MGAT4C: variants seen among roughly 807,000 people sequenced by gnomAD.
The protein encoded by MGAT4C is MGAT4 family member C, also known as alpha-1,3-mannosyl-glycoprotein 4-beta-N-acetylglucosaminyltransferase C.
Under a neutral mutation model 40.1 loss-of-function variants are expected in MGAT4C, and 19 were observed. The ratio of observed to expected loss-of-function variants is 0.47; its 90% confidence interval spans 0.33 to 0.70. MGAT4C has a LOEUF of 0.70. Among genes scored for constraint, MGAT4C ranks in the 30% least tolerant of loss-of-function variants. The pLI is 0.02. For synonymous variants in MGAT4C, 181 were observed against 187.1 expected (o/e 0.97, Z 0.27); for missense variants, 491 against 563.2 (o/e 0.87, Z 1.30).
In MGAT4C at chr12:86,769,531, T is replaced by C. The variant is rs192594664; in HGVS notation, c.-261-42290A>G. Among the ~76,000 whole-genome samples, 1,437 of 152,248 alleles carry C rather than the reference T, an allele frequency of 9.4e-3. 16 individuals carry two copies. The highest frequency in any genetic ancestry group is 0.033 in the African/African-American group (1,372 of 41,542). On this transcript the variant is annotated intron_variant, in intron 1 of 7. Transcript: ENST00000548651. ...CGTTATTGGGTATATACCCAAAGGA[T>C]TATAAATCATGCTGCTATAAAGACA...
At chr12:86,111,276 T>C (rs934242147) in intron 1 of MGAT4C, among the ~76,000 whole-genome samples, 2 of 151,778 alleles carry the variant, frequency 1.3e-5, no homozygotes, top group African/African-American at 4.8e-5. Flanking sequence ...ATTTGTGTAG[T>C]GTCTATCAAG....
intron 3 of MGAT4C, among the ~76,000 whole-genome samples, chr12:86,337,472 A>G (rs1954813842): frequency 6.6e-6 from 1 of 151,580 alleles, no homozygotes; most frequent in African/African-American, 2.4e-5. Context: ...AGTCCCAGCT[A>G]CTTGAGAGGC....
intron 4 of MGAT4C, among the ~76,000 whole-genome samples, chr12:86,286,966 A>T (rs1011843943): frequency 6.6e-6 from 1 of 152,038 alleles, no homozygotes; most frequent in Non-Finnish European, 1.5e-5. Context: ...TAAGTAATAT[A>T]TTTGCTTTAT....
intron 1 of MGAT4C, among the ~76,000 whole-genome samples, chr12:86,062,580 C>A (rs962438251): frequency 2.0e-5 from 3 of 151,864 alleles, no homozygotes; most frequent in African/African-American, 7.3e-5. Context: ...CAAACTCCTG[C>A]AAGCTAAAGG....
chr12:86,645,311 T>G (rs1329764430), intron 2 of MGAT4C, among the ~76,000 whole-genome samples: 1 of 151,682 alleles, frequency 6.6e-6, no homozygotes, highest in Admixed American at 6.6e-5. Context: ...AATTAAAATT[T>G]TATTCTACTG....
In MGAT4C at chr12:86,494,634, G is replaced by A. The variant is rs560701625; in HGVS notation, c.-228-59369C>T. On this transcript the variant is annotated intron_variant, in intron 2 of 7. Coordinates refer to the MGAT4C transcript ENST00000548651. ...CATAGCAATCATTTAAAAAAAAAAC[G>A]TGCTTTAAAATCTTCTACAGGAAGA... Among the ~76,000 whole-genome samples, 7 of 149,890 alleles carry A rather than the reference G, an allele frequency of 4.7e-5. No individual in the cohort carries two copies. The South Asian group carries it at 6.3e-4, about 13-fold the overall frequency.
At chr12:86,006,164 A>G (rs1887852416) in intron 2 of MGAT4C, among the ~76,000 whole-genome samples, 1 of 152,148 alleles carries the variant, frequency 6.6e-6, no homozygotes, top group African/African-American at 2.4e-5. Flanking sequence ...GCCACTCAGA[A>G]TGTTCATGGA....
At position 86,671,819 on chromosome 12, in the gene MGAT4C, AT is replaced by A. The variant is rs796325639; in HGVS notation, c.-229+55389del. 7.2e-5 allele frequency among the ~76,000 whole-genome samples: 11 copies of A among 152,322 alleles called. 1 individual carries two copies. Among genetic ancestry groups the A allele is most frequent in the African/African-American group, 2.4e-4 (10 of 41,582 alleles). ...ATATATGAAAGAAATATTATTGGAG[AT>A]AAAGAGCTAAATCTCAATACAATAA... On this transcript the variant is annotated intron_variant, in intron 2 of 7. Transcript: ENST00000548651.
chr12:86,225,986 A>C (rs1165036665), intron 1 of MGAT4C, among the ~76,000 whole-genome samples: 2 of 152,078 alleles, frequency 1.3e-5, no homozygotes, highest in Non-Finnish European at 2.9e-5. Context: ...CCAAATTGGA[A>C]AAGAAGAAGT....
intron 1 of MGAT4C, among the ~76,000 whole-genome samples, chr12:86,804,515 G>T (rs1952310160): frequency 6.6e-6 from 1 of 151,050 alleles, no homozygotes; most frequent in Non-Finnish European, 1.5e-5. Flanking sequence ...ATTATATTTG[G>T]CTATTTCTCA....
At chr12:86,737,277 G>C (rs967233401) in intron 1 of MGAT4C, among the ~76,000 whole-genome samples, 1 of 149,572 alleles carries the variant, frequency 6.7e-6, no homozygotes, top group Non-Finnish European at 1.5e-5. Flanking sequence ...TCAATTTTCA[G>C]TACTCACCTT....
intron 1 of MGAT4C, among the ~76,000 whole-genome samples, chr12:86,774,307 CTTTCTTTCTT>C (rs1951698087): frequency 2.6e-5 from 1 of 38,582 alleles, no homozygotes; most frequent in Non-Finnish European, 6.8e-5. Flanking sequence ...TTCTTTCTTT[CTTTCTTTCTT>C]TCTTTCTTTC....
intron 1 of MGAT4C, among the ~76,000 whole-genome samples, chr12:86,824,296 A>ATT (rs1952760952): frequency 6.6e-6 from 1 of 151,508 alleles, no homozygotes; most frequent in Non-Finnish European, 1.5e-5. Context: ...CTGTAAAGTG[A>ATT]TTTTTAAAGG....
At chr12:86,834,050 C>T (rs1221125557) in intron 1 of MGAT4C, among the ~76,000 whole-genome samples, 1 of 151,542 alleles carries the variant, frequency 6.6e-6, no homozygotes, top group South Asian at 2.1e-4. Flanking sequence ...TGTATATATA[C>T]CAGATTTTCT....
intron 2 of MGAT4C, among the ~76,000 whole-genome samples, chr12:86,715,904 T>TC (rs1950638712): frequency 6.6e-6 from 1 of 152,068 alleles, no homozygotes; most frequent in Non-Finnish European, 1.5e-5. Context: ...GTTGTGTTTC[T>TC]GAAAAGGAAA....
At chr12:86,829,142 GC>G (rs1952868541) in intron 1 of MGAT4C, among the ~76,000 whole-genome samples, 1 of 151,314 alleles carries the variant, frequency 6.6e-6, no homozygotes, top group Non-Finnish European at 1.5e-5. Context: ...TTCTTAGTTT[GC>G]CTTAATTTCA....
intron 2 of MGAT4C, among the ~76,000 whole-genome samples, chr12:86,675,662 T>C (rs530454355): frequency 6.6e-6 from 1 of 152,208 alleles, no homozygotes; most frequent in African/African-American, 2.4e-5. Flanking sequence ...GATCTTTTTT[T>C]AAATGATCCT....
chr12:85,988,427 ACT>A (rs1359362916), intron 3 of MGAT4C, among the ~76,000 whole-genome samples: 3 of 151,740 alleles, frequency 2.0e-5, no homozygotes, highest in Non-Finnish European at 2.9e-5. Context: ...TTTTGGAAAT[ACT>A]CTCTCTCTTG....
intron 2 of MGAT4C, among the ~76,000 whole-genome samples, chr12:86,493,617 A>C (rs1228524564): frequency 6.6e-6 from 1 of 151,052 alleles, no homozygotes; most frequent in Non-Finnish European, 1.5e-5. Context: ...TGGACACAGG[A>C]AGGGGAACAT....
Sources: allele counts gnomAD v4.1 joint callset (sites outside exome capture counted in the v4.1 genomes callset), GRCh38; gene constraint gnomAD v4.1.1; transcripts MANE v1.5; gene names NCBI Gene and HGNC (gene_info 2026-07-23, HGNC 2026-07-21).